EVI5: variants seen among roughly 807,000 people sequenced by gnomAD.
The protein encoded by EVI5 is ecotropic viral integration site 5 protein homolog.
EVI5 carries 73 observed loss-of-function variants against 112.0 expected under a neutral mutation model. The observed-to-expected ratio is 0.65, with a 90% confidence interval of 0.54 to 0.79. EVI5 has a LOEUF of 0.79. EVI5 is among the 30% of genes least tolerant of loss of function. The pLI is 0.00. For missense variants in EVI5, 900 were observed against 968.8 expected, an observed-to-expected ratio of 0.93 and a Z score of 0.94; for synonymous variants, 305 against 319.9, an observed-to-expected ratio of 0.95 and a Z score of 0.50.
chr1:92,728,354 C>G (rs1675930122), intron 2 of EVI5, among the ~76,000 whole-genome samples: 1 of 151,746 alleles, frequency 6.6e-6, no homozygotes, highest in Admixed American at 6.6e-5. Context: ...CACCCCTTAT[C>G]CACAGTTTCA....
chr1:92,585,107 C>T (rs1248611875), intron 18 of EVI5, among the ~76,000 whole-genome samples: 1 of 151,668 alleles, frequency 6.6e-6, no homozygotes, highest in Non-Finnish European at 1.5e-5. Context: ...ACCTGTAATC[C>T]CAGCTACTCA....
upstream of EVI5, among the ~76,000 whole-genome samples, chr1:92,786,156 G>A (rs1304434284): frequency 6.8e-6 from 1 of 146,988 alleles, no homozygotes; most frequent in Non-Finnish European, 1.5e-5. Context: ...TATTTGTCTA[G>A]AAATTAGTAT....
rs1483357487 is a variant in EVI5 at position 92,782,820 on chromosome 1, T to C, written c.-82+2016A>G. On this transcript the variant is annotated intron_variant, in intron 1 of 19. Transcript: ENST00000684568. Reference sequence around the variant, plus strand: ...TAAAAATTCATTACCTGCGATGTTTTTTGTTTTTGTTTTTTTTGAAAGACG... The same window carrying C: ...TAAAAATTCATTACCTGCGATGTTTCTTGTTTTTGTTTTTTTTGAAAGACG... Among the ~76,000 whole-genome samples, 8 of 152,270 alleles carry C rather than the reference T, an allele frequency of 5.3e-5. No individual in the cohort carries two copies. In the South Asian group the frequency reaches 1.2e-3, roughly 24 times the overall value.
chr1:92,583,411 T>C (rs936689919), intron 18 of EVI5, among the ~76,000 whole-genome samples: 1 of 146,344 alleles, frequency 6.8e-6, no homozygotes, highest in Non-Finnish European at 1.5e-5. Context: ...CTTGAGAGGC[T>C]GAGGCAGGAG....
intron 1 of EVI5, among the ~76,000 whole-genome samples, chr1:92,761,644 GA>G (rs11304606): frequency 0.92 from 139,641 of 151,950 alleles, 64,243 homozygotes; most frequent in East Asian, 0.97. Context: ...GTTCCAGTAA[GA>G]TTTTTTTAAG....
At chr1:92,761,718 G>A (rs1289029583) in intron 1 of EVI5, among the ~76,000 whole-genome samples, 5 of 152,174 alleles carry the variant, frequency 3.3e-5, no homozygotes, top group East Asian at 1.9e-4. Flanking sequence ...TAATGCTCCC[G>A]GCTCAGTCTC....
At chr1:92,545,362 G>T (rs1390394722) in intron 19 of EVI5, among the ~76,000 whole-genome samples, 1 of 151,006 alleles carries the variant, frequency 6.6e-6, no homozygotes, top group African/African-American at 2.4e-5. Context: ...AGGCCATTGT[G>T]CCTGGCCTGT....
chr1:92,761,602 T>C (rs1681885265), intron 1 of EVI5, among the ~76,000 whole-genome samples: 1 of 151,700 alleles, frequency 6.6e-6, no homozygotes, highest in African/African-American at 2.4e-5. Flanking sequence ...ACTGAATTAA[T>C]ATGTGGAGAG....
intron 13 of EVI5, among the ~76,000 whole-genome samples, chr1:92,662,088 C>A (rs1167556764): frequency 1.3e-5 from 2 of 152,080 alleles, no homozygotes; most frequent in Non-Finnish European, 2.9e-5. Flanking sequence ...TTAGTACGCA[C>A]CCTAGGTTGA....
At chr1:92,679,511 A>G (rs74101310) in intron 9 of EVI5, among the ~76,000 whole-genome samples, 3,946 of 152,278 alleles carry the variant, frequency 0.026, 129 homozygotes, top group African/African-American at 0.074. Context: ...AACTCCACTG[A>G]TAGTGTTTTT....
intron 18 of EVI5, among the ~76,000 whole-genome samples, chr1:92,603,487 C>G (rs1649634035): frequency 6.6e-6 from 1 of 151,960 alleles, no homozygotes; most frequent in Admixed American, 6.6e-5. Context: ...GTGGTATATA[C>G]ATACAATGGA....
intron 19 of EVI5, among the ~76,000 whole-genome samples, chr1:92,545,023 C>T (rs1055329208): frequency 2.0e-5 from 3 of 152,166 alleles, no homozygotes; most frequent in African/African-American, 7.2e-5. Context: ...TGTCCACCTG[C>T]ATCTGTAAGA....
intron 2 of EVI5, among the ~76,000 whole-genome samples, chr1:92,718,239 C>A (rs950912703): frequency 6.6e-6 from 1 of 152,196 alleles, no homozygotes; most frequent in Non-Finnish European, 1.5e-5. Context: ...ACAGAATATA[C>A]ATTCTTCTCA....
At chr1:92,525,855 TTAC>T (rs922989965) in intron 19 of EVI5, among the ~76,000 whole-genome samples, 2 of 152,222 alleles carry the variant, frequency 1.3e-5, no homozygotes, top group Non-Finnish European at 1.5e-5. Flanking sequence ...TTATTTATTT[TTAC>T]TTTTTTCTTA....
chr1:92,719,631 C>G (rs572763909), intron 2 of EVI5, among the ~76,000 whole-genome samples: 4 of 151,868 alleles, frequency 2.6e-5, no homozygotes, highest in African/African-American at 7.3e-5. Context: ...CTTTGAAAAC[C>G]GGCACAAGAC....
At chr1:92,537,626 T>A (rs1664108721) in intron 19 of EVI5, among the ~76,000 whole-genome samples, 1 of 152,106 alleles carries the variant, frequency 6.6e-6, no homozygotes. Context: ...AAACACTGAA[T>A]TGTAAACATG....
chr1:92,626,570 T>C (rs1655707717), intron 14 of EVI5, among the ~76,000 whole-genome samples: 1 of 152,196 alleles, frequency 6.6e-6, no homozygotes, highest in African/African-American at 2.4e-5. Context: ...AGATGGTAAT[T>C]GTTCTATGTT....
intron 19 of EVI5, among the ~76,000 whole-genome samples, chr1:92,530,366 C>T (rs989652071): frequency 2.6e-5 from 4 of 152,154 alleles, no homozygotes; most frequent in African/African-American, 9.7e-5. Context: ...ACAGCCTCAG[C>T]AGACTTATAC....
Position 92,718,804 on chromosome 1 carries a change from T to C in EVI5, c.150-14060A>G, listed in dbSNP as rs796944671. On this transcript the variant is annotated intron_variant, in intron 2 of 19. Transcript: ENST00000684568. ...AAAATTGATAGACCTCAAGCAAGATTAATAAAGAAGAAAAGAGAGAAGAAT... is the reference window on the plus strand; with the variant it reads ...AAAATTGATAGACCTCAAGCAAGATCAATAAAGAAGAAAAGAGAGAAGAAT... Among the ~76,000 whole-genome samples the C allele has an allele frequency of 2.6e-5, 4 of 151,932 alleles. 1 individual carries two copies. The highest frequency in any genetic ancestry group is 2.1e-4 in the South Asian group (1 of 4,808).
Sources: gnomAD v4.1 joint callset for allele counts (sites outside exome capture counted in the v4.1 genomes callset) on GRCh38, gnomAD v4.1.1 for gene constraint, MANE v1.5 for transcripts, NCBI Gene and HGNC (gene_info 2026-07-23, HGNC 2026-07-21) for gene names.